CELSR1: variants seen among roughly 807,000 people sequenced by gnomAD.
CELSR1 encodes cadherin EGF LAG seven-pass G-type receptor 1.
A neutral mutation model predicts 249.1 loss-of-function variants in CELSR1; 110 were observed. That is an observed-to-expected ratio of 0.44 (90% CI 0.38 to 0.52). CELSR1 has a LOEUF of 0.52. CELSR1 is among the 20% of genes least tolerant of loss of function. CELSR1 has a pLI of 0.00. For missense variants in CELSR1, 4,109 were observed against 4,296.4 expected, an observed-to-expected ratio of 0.96 and a Z score of 1.22; for synonymous variants, 2,113 against 1,900.0, an observed-to-expected ratio of 1.11 and a Z score of -2.92.
intron 5 of CELSR1, among the ~76,000 whole-genome samples, chr22:46,425,248 G>A (rs1008567077): frequency 2.6e-5 from 4 of 152,240 alleles, no homozygotes; most frequent in Non-Finnish European, 5.9e-5. Context: ...ATGAGGAACA[G>A]TGGTCTGTGG....
intron 27 of CELSR1, among the ~76,000 whole-genome samples, chr22:46,368,192 G>A (rs2078809039): frequency 6.6e-6 from 1 of 152,310 alleles, no homozygotes; most frequent in African/African-American, 2.4e-5. Flanking sequence ...CTGTGGAGAG[G>A]CAAGAGGAAG....
At chr22:46,368,126 A>C (rs573274530) in intron 27 of CELSR1, among the ~76,000 whole-genome samples, 24 of 152,282 alleles carry the variant, frequency 1.6e-4, no homozygotes, top group African/African-American at 5.3e-4. Context: ...TGAGGACTAC[A>C]CCAGGCCAAG....
chr22:46,502,005 C>T (rs1247509490), intron 1 of CELSR1, among the ~76,000 whole-genome samples: 3 of 152,056 alleles, frequency 2.0e-5, no homozygotes, highest in Non-Finnish European at 4.4e-5. Flanking sequence ...TGGTTCAGGC[C>T]TGTAACCCCA....
chr22:46,474,527 A>G (rs2080187526), intron 1 of CELSR1, among the ~76,000 whole-genome samples: 1 of 152,212 alleles, frequency 6.6e-6, no homozygotes, highest in African/African-American at 2.4e-5. Flanking sequence ...TAAAACTCAA[A>G]TAAGTGTATT....
intron 1 of CELSR1, among the ~76,000 whole-genome samples, chr22:46,494,316 T>A (rs989953622): frequency 6.6e-6 from 1 of 152,198 alleles, no homozygotes; most frequent in African/African-American, 2.4e-5. Flanking sequence ...CTCAGCCAAT[T>A]TTATTTACAG....
rs761124592 is a variant in CELSR1 at position 46,369,095 on chromosome 22, T to G, written c.7952+84A>C. 4 of 1,381,252 alleles carry G rather than the reference T, an allele frequency of 2.9e-6. No individual in the cohort carries two copies. In the African/African-American group the frequency reaches 5.7e-5, roughly 20 times the overall value. The allele number at this position is 1,381,252 out of a possible 1,614,324, so 85.6% of individuals were successfully genotyped here. On this transcript the variant is annotated intron_variant, in intron 27 of 34. Transcript: ENST00000674500. Reference sequence around the variant, plus strand: ...CCTCCATGAGGCCTACACGCTCTCATGGGGCCCCACCCCGCAGAGACTGGA... The same window carrying G: ...CCTCCATGAGGCCTACACGCTCTCAGGGGGCCCCACCCCGCAGAGACTGGA...
intron 24 of CELSR1, among the ~76,000 whole-genome samples, chr22:46,375,290 A>T (rs1456771023): frequency 6.6e-6 from 1 of 152,026 alleles, no homozygotes; most frequent in Admixed American, 6.6e-5. Context: ...TGGCCTCTGC[A>T]GGTGTCCCAT....
At position 46,464,566 on chromosome 22, in the gene CELSR1, G is replaced by C. The variant is rs764554221; in HGVS notation, c.3545-221C>G. On this transcript the variant is annotated intron_variant, in intron 1 of 34. Transcript: ENST00000674500. The surrounding 1 kb of genome is among the most constrained non-coding windows in gnomAD (Gnocchi z 8.5). Reference sequence around the variant, plus strand: ...CACCACCTTGACCCTCCCTCCTCCGGCACCCTAACCCCTGCCCTGGCTTCC... The same window carrying C: ...CACCACCTTGACCCTCCCTCCTCCGCCACCCTAACCCCTGCCCTGGCTTCC... Among the ~76,000 whole-genome samples the C allele has an allele frequency of 4.6e-5, 7 of 151,436 alleles. No individual in the cohort carries two copies. The highest frequency in any genetic ancestry group is 1.0e-4 in the Non-Finnish European group (7 of 67,840).
At position 46,413,037 on chromosome 22, in the gene CELSR1, G is replaced by A. The variant is rs898955442; in HGVS notation, c.4612-1278C>T. ...CACCACCCCTATAAAGGATGGGTTC[G>A]ATGCCTCCTCCTGATAGTTCTGGGG... is the stretch of plus-strand genomic sequence containing the variant. On this transcript the variant is annotated intron_variant, in intron 5 of 34. Transcript: ENST00000674500. The surrounding 1 kb of genome is among the most constrained non-coding windows in gnomAD (Gnocchi z 4.7). Among the ~76,000 whole-genome samples, 10 of 152,276 alleles carry A rather than the reference G, an allele frequency of 6.6e-5. No homozygotes were observed. The highest frequency in any genetic ancestry group is 8.8e-5 in the Non-Finnish European group (6 of 68,024).
chr22:46,383,118 G>A (rs530921283), intron 20 of CELSR1, among the ~76,000 whole-genome samples: 245 of 152,282 alleles, frequency 1.6e-3, no homozygotes, highest in Non-Finnish European at 2.4e-3. Context: ...GGTAATGAGC[G>A]AGTTCTCACT....
In CELSR1 at chr22:46,401,677, G is replaced by A. The variant is rs2079211909; in HGVS notation, c.5227-1775C>T. 6.6e-6 allele frequency among the ~76,000 whole-genome samples: 1 copy of A among 152,218 alleles called. No individual in the cohort carries two copies. Among genetic ancestry groups the A allele is most frequent in the Admixed American group, 6.5e-5 (1 of 15,284 alleles). ...AGCTTTCTAGGTTCATGGGGCTGGA[G>A]GATTAAAAACTGGGGTTCATGGACT... On this transcript the variant is annotated intron_variant, in intron 9 of 34. Coordinates refer to ENST00000674500, the MANE Select transcript of CELSR1 (RefSeq NM_001378328.1). This position sits in a 1 kb window ranked among gnomAD's most constrained non-coding sequence, Gnocchi z 4.7.
chr22:46,409,127 C>A lies in CELSR1; in HGVS notation c.5095G>T (p.Val1699Phe). The A allele has an allele frequency of 6.2e-7, 1 of 1,613,450 alleles. No individual in the cohort carries two copies. The highest frequency in any genetic ancestry group is 1.1e-5 in the South Asian group (1 of 90,956). ...ATGTTCAGGTCACTCCAGGACACGA[C>A]GCTCTCACCGCTGAAGAGCTGGGGG... is the stretch of plus-strand genomic sequence containing the variant. ...PHPQLFSGES[V>F]VSWSDLNIII... The change falls in exon 9 of 35, where the codon GTC (valine) becomes TTC (phenylalanine). Residue 1699 changes from valine (V) to phenylalanine (F), a missense_variant. Around this residue, in one of 7 missense-constraint regions of CELSR1, gnomAD observed 453 missense variants for 492.0 expected, o/e 0.92. Coordinates refer to ENST00000674500, the MANE Select transcript of CELSR1 (RefSeq NM_001378328.1). The surrounding 1 kb of genome is among the most constrained non-coding windows in gnomAD (Gnocchi z 9.8).
rs2147608063 is a variant in CELSR1, at chr22:46,468,026, A to G, written c.3545-3681T>C. 6.6e-6 allele frequency among the ~76,000 whole-genome samples: 1 copy of G among 152,256 alleles called. No individual in the cohort carries two copies. Among genetic ancestry groups the G allele is most frequent in the South Asian group, 2.1e-4 (1 of 4,820 alleles). ...ATGAGTCAACCACACCTATGTTCAT[A>G]GCAGCGCTATTCACAAGAGCTGAAA... is the stretch of plus-strand genomic sequence containing the variant. On this transcript the variant is annotated intron_variant, in intron 1 of 34. Transcript: ENST00000674500. This position sits in a 1 kb window ranked among gnomAD's most constrained non-coding sequence, Gnocchi z 4.5.
Position 46,379,674 on chromosome 22 carries a change from C to T in CELSR1, c.7257-957G>A, listed in dbSNP as rs150900252. On this transcript the variant is annotated intron_variant, in intron 22 of 34. Coordinates refer to ENST00000674500, the MANE Select transcript of CELSR1 (RefSeq NM_001378328.1). ...AGGAGAAGAATGAGGCTGGGCTAAC[C>T]GGGCTCGCTCACCATAGCGCCACCC... Among the ~76,000 whole-genome samples the T allele has an allele frequency of 1.2e-3, 189 of 152,316 alleles. 1 individual carries two copies. Among genetic ancestry groups the T allele is most frequent in the Middle Eastern group, 6.8e-3 (2 of 294 alleles).
chr22:46,394,259 G>A lies in CELSR1; in HGVS notation c.5847C>T (p.Leu1949=), dbSNP rs141237528. The change falls in exon 14 of 35, where the codon CTC becomes CTT. Residue 1949 remains leucine (L), a synonymous_variant. Transcript: ENST00000674500. The stretch of plus-strand genomic sequence containing the variant: ...ACCAGCCTCTGGGGCACGGAAGGTC[G>A]AGTCTGTGGGGAAAATAAGAGGGCA... ...SHYGPYCENK[L]DLPCPRGWWG... 783 of 1,612,642 alleles carry A rather than the reference G, an allele frequency of 4.9e-4. 3 individuals are homozygous for A. In the African/African-American group the frequency reaches 9.1e-3, roughly 19 times the overall value.
chr22:46,464,478 C>T lies in CELSR1; in HGVS notation c.3545-133G>A, dbSNP rs2080075021. On this transcript the variant is annotated intron_variant, in intron 1 of 34. Transcript: ENST00000674500. The surrounding 1 kb of genome is among the most constrained non-coding windows in gnomAD (Gnocchi z 8.5). ...GCCTGGGCATCCCCACTCCCCATTC[C>T]CCACCCATGACCACCACCTTGACCC... is the stretch of plus-strand genomic sequence containing the variant. 1 of 902,478 alleles carries T rather than the reference C, an allele frequency of 1.1e-6. No homozygotes were observed. Among genetic ancestry groups the T allele is most frequent in the African/African-American group, 1.7e-5 (1 of 59,506 alleles). The allele number at this position is 902,478 out of a possible 1,614,324, so 55.9% of individuals were successfully genotyped here. A position where few individuals can be genotyped will look rare whatever the true frequency, so the allele number is the denominator to read the frequency against.
At position 46,520,682 on chromosome 22, in the gene CELSR1, G is replaced by C. The variant is rs531928049; in HGVS notation, c.3544+12945C>G. Reference sequence around the variant, plus strand: ...TCACCATGTTGGCCAGGCTGATCTCGAGCTCCTGACCTCATGTGATCCACC... The same window carrying C: ...TCACCATGTTGGCCAGGCTGATCTCCAGCTCCTGACCTCATGTGATCCACC... On this transcript the variant is annotated intron_variant, in intron 1 of 34. Transcript: ENST00000674500. 2.6e-5 allele frequency among the ~76,000 whole-genome samples: 4 copies of C among 151,418 alleles called. No individual in the cohort carries two copies. The East Asian group carries it at 7.9e-4, about 30-fold the overall frequency.
At position 46,468,968 on chromosome 22, in the gene CELSR1, C is replaced by T. The variant is rs553491706; in HGVS notation, c.3545-4623G>A. ...GCACGTGCCTGTAGTCTCAGCTACT[C>T]GGAAGGCTGAGGCTTGAGAATCGCT... On this transcript the variant is annotated intron_variant, in intron 1 of 34. Transcript: ENST00000674500. The surrounding 1 kb of genome is among the most constrained non-coding windows in gnomAD (Gnocchi z 4.5). Among the ~76,000 whole-genome samples, 5 of 152,022 alleles carry T rather than the reference C, an allele frequency of 3.3e-5. No individual in the cohort carries two copies. The highest frequency in any genetic ancestry group is 2.0e-4 in the Admixed American group (3 of 15,248).
chr22:46,481,366 G>A, intron 1 of CELSR1: 2 of 876,050 alleles, frequency 2.3e-6, no homozygotes, highest in South Asian at 3.0e-5. Flanking sequence ...CACCTTCTCG[G>A]TCATAGTTGG....
Sources: gnomAD v4.1 joint callset for allele counts (sites outside exome capture counted in the v4.1 genomes callset) on GRCh38, gnomAD v4.1.1 for gene constraint, gnomAD v4.1.1 regional missense constraint, Gnocchi (gnomAD v3.1) non-coding constraint, MANE v1.5 for transcripts, NCBI Gene and HGNC (gene_info 2026-07-23, HGNC 2026-07-21) for gene names.